MGMT: variants seen among roughly 807,000 people sequenced by gnomAD.
MGMT encodes the protein methylated-DNA--protein-cysteine methyltransferase.
A neutral mutation model predicts 15.9 loss-of-function variants in MGMT; 14 were observed. The ratio of observed to expected loss-of-function variants is 0.88; its 90% CI spans 0.58 to 1.37. MGMT has a LOEUF of 1.37. MGMT is among the 40% of genes most tolerant of loss of function. MGMT has a pLI of 0.00. For missense variants in MGMT, 282 were observed against 268.1 expected (o/e 1.05, Z -0.36); for synonymous variants, 130 against 118.2 (o/e 1.10, Z -0.65).
chr10:129,712,855 A>C (rs1564770793), intron 3 of MGMT, among the ~76,000 whole-genome samples: 2 of 152,190 alleles, frequency 1.3e-5, no homozygotes, highest in African/African-American at 4.8e-5. Flanking sequence ...ACATCCAGGA[A>C]AGAGCCCACC....
chr10:129,512,075 C>T (rs1359289490), intron 1 of MGMT, among the ~76,000 whole-genome samples: 1 of 152,206 alleles, frequency 6.6e-6, no homozygotes, highest in African/African-American at 2.4e-5. Context: ...AGTGTCTGCT[C>T]TGCAGATGCA....
At chr10:129,551,648 C>T (rs910668161) in intron 2 of MGMT, among the ~76,000 whole-genome samples, 4 of 152,152 alleles carry the variant, frequency 2.6e-5, no homozygotes, top group Admixed American at 1.3e-4. Context: ...TAAGTTTCTC[C>T]GAGGTATTTT....
intron 3 of MGMT, among the ~76,000 whole-genome samples, chr10:129,714,009 A>G (rs1447826200): frequency 6.6e-6 from 1 of 152,216 alleles, no homozygotes; most frequent in African/African-American, 2.4e-5. Flanking sequence ...GCCCCTCAGC[A>G]GAACAAGAAT....
intron 3 of MGMT, among the ~76,000 whole-genome samples, chr10:129,731,795 A>G (rs1848501009): frequency 6.6e-6 from 1 of 152,200 alleles, no homozygotes; most frequent in Non-Finnish European, 1.5e-5. Context: ...TTTCCAAGAC[A>G]GACACTTGAG....
At position 129,634,079 on chromosome 10, in the gene MGMT, A is replaced by T. The variant is rs488301; in HGVS notation, c.126-73816A>T. ...GTTTTTTAGTGCCCAAAATGTCTTT[A>T]TTGCTTCTTGATTGTTGAAAGGTAT... is the stretch of plus-strand genomic sequence containing the variant. On this transcript the variant is annotated intron_variant, in intron 2 of 4. Transcript: ENST00000651593. Among the ~76,000 whole-genome samples, 347 of 152,166 alleles carry T rather than the reference A, an allele frequency of 2.3e-3. 1 individual carries two copies. Among genetic ancestry groups the T allele is most frequent in the African/African-American group, 7.5e-3 (312 of 41,520 alleles).
At chr10:129,651,200 C>T (rs1003677732) in intron 2 of MGMT, among the ~76,000 whole-genome samples, 1 of 152,204 alleles carries the variant, frequency 6.6e-6, no homozygotes, top group African/African-American at 2.4e-5. Context: ...GACCCGGAGG[C>T]TCCTGCCCCG....
intron 2 of MGMT, among the ~76,000 whole-genome samples, chr10:129,606,465 C>T (rs998217845): frequency 1.1e-4 from 17 of 152,218 alleles, no homozygotes; most frequent in Non-Finnish European, 2.4e-4. Context: ...GGGGAGGCCC[C>T]TGAGGTCTCT....
At chr10:129,594,079 G>T (rs1046291613) in intron 2 of MGMT, among the ~76,000 whole-genome samples, 2 of 152,200 alleles carry the variant, frequency 1.3e-5, no homozygotes, top group African/African-American at 2.4e-5. Context: ...GGCCGGCAAA[G>T]AATTCACCTC....
intron 2 of MGMT, among the ~76,000 whole-genome samples, chr10:129,645,534 C>T (rs139681056): frequency 6.6e-6 from 1 of 152,246 alleles, no homozygotes; most frequent in Non-Finnish European, 1.5e-5. Flanking sequence ...GTTCTGTGGT[C>T]AGGCCTGTGC....
In MGMT at chr10:129,704,683, G is replaced by C. The variant is rs191311847; in HGVS notation, c.126-3212G>C. 5.5e-4 allele frequency among the ~76,000 whole-genome samples: 83 copies of C among 152,006 alleles called. 3 individuals carry two copies. The highest frequency in any genetic ancestry group is 1.9e-3 in the African/African-American group (79 of 41,442). Reference sequence around the variant, plus strand: ...ATTCTCTGGCTCCTTCCTTAAAACCGTCAGGATTTGTGTGCTTGGAAACCT... The same window carrying C: ...ATTCTCTGGCTCCTTCCTTAAAACCCTCAGGATTTGTGTGCTTGGAAACCT... On this transcript the variant is annotated intron_variant, in intron 2 of 4. Coordinates refer to ENST00000651593, the MANE Select transcript of MGMT (RefSeq NM_002412.5).
At chr10:129,578,732 A>G (rs1020067994) in intron 2 of MGMT, among the ~76,000 whole-genome samples, 4 of 152,212 alleles carry the variant, frequency 2.6e-5, no homozygotes, top group African/African-American at 7.2e-5. Flanking sequence ...ACATCCTGGG[A>G]ACTTATAGAA....
At chr10:129,535,970 G>A (rs1014214759) in intron 1 of MGMT, among the ~76,000 whole-genome samples, 3 of 152,184 alleles carry the variant, frequency 2.0e-5, no homozygotes, top group African/African-American at 4.8e-5. Flanking sequence ...TCGGTGTTGC[G>A]TTGGTTAAAG....
intron 2 of MGMT, among the ~76,000 whole-genome samples, chr10:129,653,240 GT>G (rs1847483129): frequency 2.0e-5 from 3 of 152,358 alleles, no homozygotes; most frequent in Admixed American, 2.0e-4. Context: ...CTGCTCTGGA[GT>G]TAACTGTCAA....
chr10:129,531,013 C>A (rs533243621), intron 1 of MGMT, among the ~76,000 whole-genome samples: 3 of 152,350 alleles, frequency 2.0e-5, no homozygotes, highest in Admixed American at 1.3e-4. Context: ...GTGGGCTTGC[C>A]TGCTGGCTCT....
Position 129,767,859 on chromosome 10 carries a change from G to C in MGMT, c.*862G>C, listed in dbSNP as rs1848956924. On this transcript the variant is annotated 3_prime_UTR_variant, in exon 5 of 5. Coordinates refer to ENST00000651593, the MANE Select transcript of MGMT (RefSeq NM_002412.5). ...GGAAGTCAAAGGTCACGACTGTGGG[G>C]GGCCAGCTCATGTCACTGATGGCAG... 1 of 152,250 alleles carries C rather than the reference G, an allele frequency of 6.6e-6. No homozygotes were observed. The highest frequency in any genetic ancestry group is 2.4e-5 in the African/African-American group (1 of 41,440). The allele number at this position is 152,250 out of a possible 1,614,324, so 9.4% of individuals were successfully genotyped here. A position where few individuals can be genotyped will look rare whatever the true frequency, so the allele number is the denominator to read the frequency against.
chr10:129,732,702 C>G (rs1848515149), intron 3 of MGMT, among the ~76,000 whole-genome samples: 1 of 127,496 alleles, frequency 7.8e-6, no homozygotes, highest in African/African-American at 2.8e-5. Flanking sequence ...TGCTATCCCT[C>G]CCCCGTCCCC....
intron 1 of MGMT, among the ~76,000 whole-genome samples, chr10:129,467,826 G>C (rs990948080): frequency 1.3e-5 from 2 of 152,220 alleles, no homozygotes; most frequent in Non-Finnish European, 2.9e-5. Context: ...GAGTAAGCAA[G>C]GCTCGCTGGA....
In MGMT at chr10:129,770,835, C is replaced by CG. The variant is rs953675965; in HGVS notation, c.*3842dup. Among the ~76,000 whole-genome samples, 3 of 151,992 alleles carry CG rather than the reference C, an allele frequency of 2.0e-5. No individual in the cohort carries two copies. Among genetic ancestry groups the CG allele is most frequent in the Non-Finnish European group, 2.9e-5 (2 of 68,038 alleles). ...TGTCTGCATGTCTTCTTGTTGCCAT[C>CG]GGGGCAGTGGAGTCCCCGGAAACAG... On this transcript the variant is annotated 3_prime_UTR_variant, in exon 5 of 5. Transcript: ENST00000651593.
rs498964 is a variant in MGMT at position 129,626,908 on chromosome 10, G to A, written c.126-80987G>A. Among the ~76,000 whole-genome samples, 525 of 152,328 alleles carry A rather than the reference G, an allele frequency of 3.4e-3. 1 individual carries two copies. The highest frequency in any genetic ancestry group is 5.8e-3 in the Non-Finnish European group (394 of 68,026). On this transcript the variant is annotated intron_variant, in intron 2 of 4. Transcript: ENST00000651593. ...GCAGGGAAGGCTTCTCATCTGAGTC[G>A]GTAGCAGAGTACATAGTGCAAGAAG...
Sources: allele counts gnomAD v4.1 joint callset (sites outside exome capture counted in the v4.1 genomes callset), GRCh38; gene constraint gnomAD v4.1.1; transcripts MANE v1.5; gene names NCBI Gene and HGNC (gene_info 2026-07-23, HGNC 2026-07-21).